The following UGGT2 variants were observed in gnomAD, a reference collection of about 807,000 sequenced individuals.
UGGT2 encodes the protein UDP-glucose glycoprotein glucosyltransferase 2, also known as UDP-glucose:glycoprotein glucosyltransferase 2.
In UGGT2, 180 loss-of-function variants were observed where a neutral mutation model predicts 192.1. The ratio of observed to expected loss-of-function variants is 0.94; its 90% CI spans 0.83 to 1.06. UGGT2 has a LOEUF of 1.06. Among genes scored for constraint, UGGT2 ranks in the 50% least tolerant of loss-of-function variants. The probability of loss-of-function intolerance (pLI) is 0.00; values close to 1 mark genes in which losing one functional copy is unlikely to be tolerated. For missense variants in UGGT2, 1,849 were observed against 1,795.7 expected, an observed-to-expected ratio of 1.03 and a Z score of -0.54; for synonymous variants, 580 against 591.0, an observed-to-expected ratio of 0.98 and a Z score of 0.27.
At chr13:95,862,741 G>C (rs1566605055) in intron 31 of UGGT2, among the ~76,000 whole-genome samples, 1 of 152,164 alleles carries the variant, frequency 6.6e-6, no homozygotes, top group Non-Finnish European at 1.5e-5. Flanking sequence ...TCTTAAAATG[G>C]AGGAGACACA....
At chr13:96,034,873 C>G (rs182209424) in intron 1 of UGGT2, among the ~76,000 whole-genome samples, 1 of 152,360 alleles carries the variant, frequency 6.6e-6, no homozygotes, top group African/African-American at 2.4e-5. Context: ...CTGGCTCCCC[C>G]TTGGCAGGTG....
intron 4 of UGGT2, among the ~76,000 whole-genome samples, chr13:96,016,871 C>T (rs1033824602): frequency 6.6e-6 from 1 of 152,174 alleles, no homozygotes; most frequent in African/African-American, 2.4e-5. Context: ...TACTCAACCC[C>T]AACCCATGAC....
intron 11 of UGGT2, among the ~76,000 whole-genome samples, chr13:95,971,408 A>G (rs1195091612): frequency 6.6e-6 from 1 of 152,216 alleles, no homozygotes; most frequent in Non-Finnish European, 1.5e-5. Flanking sequence ...TCATGGTAGC[A>G]CTAAGCAGTG....
intron 22 of UGGT2, among the ~76,000 whole-genome samples, chr13:95,899,931 G>A (rs1288319502): frequency 6.6e-6 from 1 of 152,016 alleles, no homozygotes; most frequent in Non-Finnish European, 1.5e-5. Context: ...AACATTAAGA[G>A]TGCATTAGAA....
intron 20 of UGGT2, among the ~76,000 whole-genome samples, chr13:95,911,549 T>C (rs1177656697): frequency 1.3e-5 from 2 of 152,038 alleles, no homozygotes; most frequent in Non-Finnish European, 2.9e-5. Flanking sequence ...AAGCTGAATC[T>C]CTGAATAGAC....
chr13:95,894,910 G>T (rs7338859), intron 23 of UGGT2, among the ~76,000 whole-genome samples: 1 of 151,842 alleles, frequency 6.6e-6, no homozygotes, highest in African/African-American at 2.4e-5. Context: ...CAATCTATAG[G>T]AAAATGGTTA....
At chr13:95,805,828 A>T (rs988208272) in intron 38 of UGGT2, among the ~76,000 whole-genome samples, 5 of 152,118 alleles carry the variant, frequency 3.3e-5, no homozygotes, top group Non-Finnish European at 7.4e-5. Context: ...AACATGAAAA[A>T]GTTCTGGAGT....
In UGGT2 at chr13:95,895,320, GTTATA is replaced by G. The variant is rs780424526; in HGVS notation, c.2635-21_2635-17del. 17 of 1,339,616 alleles carry G rather than the reference GTTATA, an allele frequency of 1.3e-5. No homozygotes were observed. The highest frequency in any genetic ancestry group is 1.7e-5 in the Non-Finnish European group (17 of 979,846). The allele number at this position is 1,339,616 out of a possible 1,614,324, so 83.0% of individuals were successfully genotyped here. A position where few individuals can be genotyped will look rare whatever the true frequency, so the allele number is the denominator to read the frequency against. On this transcript the variant is annotated splice_polypyrimidine_tract_variant and intron_variant, in intron 22 of 38. Coordinates refer to ENST00000376747, the MANE Select transcript of UGGT2 (RefSeq NM_020121.4). ...GTCCTAAGAACTTAAAATAAAAACA[GTTATA>G]TTATCATATATCTTCTAGAAGATAT...
intron 27 of UGGT2, among the ~76,000 whole-genome samples, chr13:95,880,381 T>A (rs2047459315): frequency 6.6e-6 from 1 of 152,234 alleles, no homozygotes; most frequent in African/African-American, 2.4e-5. Flanking sequence ...TGGAGATGGA[T>A]AAATGATAGT....
chr13:95,885,642 A>G (rs2047623903), intron 26 of UGGT2, among the ~76,000 whole-genome samples: 1 of 152,222 alleles, frequency 6.6e-6, no homozygotes, highest in Admixed American at 6.5e-5. Context: ...TGTGAGTCCC[A>G]GGCAGTGGTG....
At chr13:95,840,199 T>C (rs537226937) in intron 36 of UGGT2, among the ~76,000 whole-genome samples, 1 of 152,118 alleles carries the variant, frequency 6.6e-6, no homozygotes, top group South Asian at 2.1e-4. Flanking sequence ...ACAAATGGGA[T>C]CTATTTAAAC....
At chr13:95,901,713 A>C (rs2048109952) in intron 21 of UGGT2, among the ~76,000 whole-genome samples, 1 of 152,150 alleles carries the variant, frequency 6.6e-6, no homozygotes, top group Non-Finnish European at 1.5e-5. Context: ...ACTATGACTG[A>C]GGAACTGAAT....
chr13:95,850,726 T>C lies in UGGT2; in HGVS notation c.4284+2817A>G, dbSNP rs191330991. 7.9e-5 allele frequency among the ~76,000 whole-genome samples: 12 copies of C among 152,318 alleles called. No individual in the cohort carries two copies. In the East Asian group the frequency reaches 2.3e-3, roughly 29 times the overall value. ...AGACCAATCAGCTGTTTGATGGTAA[T>C]TTGGCTACAGTAGATGTCCTTTATA... On this transcript the variant is annotated intron_variant, in intron 36 of 38. Coordinates refer to ENST00000376747, the MANE Select transcript of UGGT2 (RefSeq NM_020121.4).
Position 95,837,086 on chromosome 13 carries a change from C to A in UGGT2, c.4401G>T (p.Leu1467=). The change falls in exon 37 of 39, where the codon CTG becomes CTT. Residue 1467 remains leucine, a splice_region_variant and synonymous_variant. Transcript: ENST00000376747. ...TACAAATGAAAACAAAGACACTCAC[C>A]AGATCAATTGTTTTGGCTCTTTGTT... ...ESKQRAKTID[L]CNNPKTKESK... 1 of 1,600,690 alleles carries A rather than the reference C, an allele frequency of 6.2e-7. No individual in the cohort carries two copies. Among genetic ancestry groups the A allele is most frequent in the Non-Finnish European group, 8.6e-7 (1 of 1,167,818 alleles).
At chr13:95,875,688 T>C (rs1056663813) in intron 29 of UGGT2, among the ~76,000 whole-genome samples, 1 of 152,178 alleles carries the variant, frequency 6.6e-6, no homozygotes, top group African/African-American at 2.4e-5. Flanking sequence ...TACTATATCA[T>C]CTCTAATGTC....
intron 29 of UGGT2, among the ~76,000 whole-genome samples, chr13:95,867,758 A>G (rs968747320): frequency 6.6e-6 from 1 of 152,192 alleles, no homozygotes; most frequent in South Asian, 2.1e-4. Flanking sequence ...CATCCCTGAT[A>G]TATTGTAGTG....
intron 1 of UGGT2, among the ~76,000 whole-genome samples, chr13:96,039,354 C>T (rs768336863): frequency 6.6e-6 from 1 of 152,108 alleles, no homozygotes; most frequent in Non-Finnish European, 1.5e-5. Context: ...CTTTGTAAGA[C>T]TATTGTATAT....
chr13:95,839,784 C>T (rs1037127127), intron 36 of UGGT2, among the ~76,000 whole-genome samples: 2 of 152,112 alleles, frequency 1.3e-5, no homozygotes, highest in Non-Finnish European at 1.5e-5. Flanking sequence ...TCTCCATATC[C>T]TTGTCCACTC....
chr13:96,022,964 TTATTA>T, intron 4 of UGGT2, 71 bp downstream of exon 4: 1 of 1,026,952 alleles, frequency 9.7e-7, no homozygotes, highest in Non-Finnish European at 1.3e-6. Flanking sequence ...TAAATTTTTT[TTATTA>T]TAAGAAGTTT....
Sources: gnomAD v4.1 joint callset for allele counts (sites outside exome capture counted in the v4.1 genomes callset) on GRCh38, gnomAD v4.1.1 for gene constraint, MANE v1.5 for transcripts, NCBI Gene and HGNC (gene_info 2026-07-23, HGNC 2026-07-21) for gene names.